Variants in SIGLEC6 observed in about 807,000 individuals in gnomAD.
The protein encoded by SIGLEC6 is sialic acid-binding Ig-like lectin 6.
A neutral mutation model predicts 41.4 loss-of-function variants in SIGLEC6; 31 were observed. The ratio of observed to expected loss-of-function variants is 0.75; its 90% CI spans 0.56 to 1.01. The LOEUF is 1.01. Among genes scored for constraint, SIGLEC6 ranks in the 50% least tolerant of loss-of-function variants. The pLI is 0.00. For missense variants in SIGLEC6, 555 were observed against 558.6 expected (o/e 0.99, Z 0.06); for synonymous variants, 217 against 231.0 (o/e 0.94, Z 0.55).
At position 51,530,717 on chromosome 19, in the gene SIGLEC6, C is replaced by T. The variant is rs1414109575; in HGVS notation, c.670G>A (p.Val224Met). 6.2e-7 allele frequency: 1 copy of T among 1,614,054 alleles called. No homozygotes were observed. The highest frequency in any genetic ancestry group is 2.2e-5 in the East Asian group (1 of 44,856). ...AGCTGGATGGTTCTCTCCATGGTCACACCGGCTCCAGGGAACGTCACCTGA... is the reference window on the plus strand; with the variant it reads ...AGCTGGATGGTTCTCTCCATGGTCATACCGGCTCCAGGGAACGTCACCTGA... ...TCQVTFPGAG[V>M]TMERTIQLNV... The change falls in exon 3 of 8, where the codon GTG (valine) becomes ATG (methionine). Residue 224 changes from valine (V) to methionine (M), a missense_variant. Coordinates refer to ENST00000425629, the MANE Select transcript of SIGLEC6 (RefSeq NM_001245.7).
rs1424784718 is a variant in SIGLEC6, at chr19:51,519,588, C to T, written c.*494G>A. 6 of 152,168 alleles carry T rather than the reference C, an allele frequency of 3.9e-5. No individual in the cohort carries two copies. The highest frequency in any genetic ancestry group is 4.8e-5 in the African/African-American group (2 of 41,502). The allele number at this position is 152,168 out of a possible 1,614,324, so 9.4% of individuals were successfully genotyped here. On this transcript the variant is annotated 3_prime_UTR_variant, in exon 8 of 8. Coordinates refer to ENST00000425629, the MANE Select transcript of SIGLEC6 (RefSeq NM_001245.7). ...GAAGTCCTGTGGTCTGCCATATATA[C>T]GAAGGTATTTATATAGTCCATTTAC... is the stretch of plus-strand genomic sequence containing the variant.
intron 7 of SIGLEC6, among the ~76,000 whole-genome samples, chr19:51,523,955 G>A (rs778601444): frequency 1.6e-4 from 25 of 152,238 alleles, no homozygotes; most frequent in African/African-American, 5.3e-4. Flanking sequence ...CCCAGGAAGC[G>A]GAGCTTGCCG....
In SIGLEC6 at chr19:51,519,078, G is replaced by A. The variant is rs773980340; in HGVS notation, c.*1004C>T. Among the ~76,000 whole-genome samples, 23 of 151,992 alleles carry A rather than the reference G, an allele frequency of 1.5e-4. No homozygotes were observed. Among genetic ancestry groups the A allele is most frequent in the African/African-American group, 2.7e-4 (11 of 41,364 alleles). On this transcript the variant is annotated 3_prime_UTR_variant, in exon 8 of 8. Coordinates refer to ENST00000425629, the MANE Select transcript of SIGLEC6 (RefSeq NM_001245.7). ...TGGGAGGCCGAGGAGGGCAGATCAC[G>A]AGGTCAGGAGATCAAGACCATCCTG... is the stretch of plus-strand genomic sequence containing the variant.
At chr19:51,530,118 C>A in intron 4 of SIGLEC6, 137 bp from the exon 5 acceptor site, 1 of 1,122,910 alleles carries the variant, frequency 8.9e-7, no homozygotes, top group Non-Finnish European at 1.3e-6. Flanking sequence ...CAGAAAAGCC[C>A]AGACCATTTC....
intron 7 of SIGLEC6, among the ~76,000 whole-genome samples, chr19:51,520,473 T>C (rs1990838450): frequency 6.6e-6 from 1 of 152,156 alleles, no homozygotes; most frequent in Non-Finnish European, 1.5e-5. Flanking sequence ...CAGGCAGCCT[T>C]GAACACCTGG....
chr19:51,530,374 C>A, intron 4 of SIGLEC6, 63 bp downstream of exon 4: 8 of 1,430,670 alleles, frequency 5.6e-6, no homozygotes, highest in Non-Finnish European at 7.8e-6. Flanking sequence ...TCATATTGAT[C>A]CCCGTTAGTC....
intron 5 of SIGLEC6, 115 bp from the exon 6 acceptor site, chr19:51,528,368 C>T: frequency 1.2e-6 from 1 of 829,608 alleles, no homozygotes; most frequent in South Asian, 1.5e-5. Context: ...CAGTCACTCA[C>T]CATTTCACTG....
intron 5 of SIGLEC6, chr19:51,528,487 A>C (rs1219021026): frequency 1.8e-6 from 1 of 564,250 alleles, no homozygotes; most frequent in Admixed American, 3.1e-5. Context: ...CCTTGGAAAC[A>C]TCTTCTCCAA....
At position 51,529,778 on chromosome 19, in the gene SIGLEC6, G is replaced by T; in HGVS notation, c.958C>A (p.Arg320Ser). ...AGGGAGCCCAGAGGATGCTGAGCAC[G>T]GCAGGTGAAATCTCCTTCTTCTGCA... ...GSAEEGDFTC[R>S]AQHPLGSLQI... The change falls in exon 5 of 8, where the codon CGT becomes AGT. Residue 320 changes from arginine (R) to serine (S), a missense_variant. By Grantham distance (110) the Arg-to-Ser change is moderately radical. Coordinates refer to ENST00000425629, the MANE Select transcript of SIGLEC6 (RefSeq NM_001245.7). The T allele has an allele frequency of 6.2e-7, 1 of 1,614,136 alleles. No homozygotes were observed.
Position 51,520,195 on chromosome 19 carries a change from T to C in SIGLEC6, c.1249A>G (p.Ile417Val), listed in dbSNP as rs746493664. 21 of 1,610,034 alleles carry C rather than the reference T, an allele frequency of 1.3e-5. No homozygotes were observed. In the South Asian group the frequency reaches 1.8e-4, roughly 14 times the overall value. The change falls in exon 8 of 8, where the codon ATC becomes GTC. Residue 417 changes from isoleucine (I) to valine (V), a missense_variant. Ile to Val is a conservative substitution (Grantham distance 29, BLOSUM62 3). Coordinates refer to ENST00000425629, the MANE Select transcript of SIGLEC6 (RefSeq NM_001245.7). ...VSDHPAEAGP[I>V]SEDEQELHYA... ...TGGAGCTCCTGCTCATCTTCTGAGA[T>C]GGGGCCAGCCTCAGCAGGGTGGTCT...
intron 7 of SIGLEC6, among the ~76,000 whole-genome samples, chr19:51,523,669 G>A (rs1417371699): frequency 2.0e-5 from 3 of 152,190 alleles, no homozygotes; most frequent in Non-Finnish European, 4.4e-5. Context: ...GTCTGATAAG[G>A]AGAGGCCCAG....
intron 5 of SIGLEC6, among the ~76,000 whole-genome samples, chr19:51,528,955 A>T (rs969540382): frequency 7.1e-6 from 1 of 141,594 alleles, no homozygotes; most frequent in Admixed American, 7.8e-5. Context: ...GTGAGCCAAG[A>T]TCGCACCATT....
intron 6 of SIGLEC6, 44 bp downstream of exon 6, chr19:51,528,116 T>C: frequency 6.5e-7 from 1 of 1,545,538 alleles, no homozygotes; most frequent in Non-Finnish European, 8.9e-7. Context: ...TGTGTGCCCT[T>C]CCCACATGAA....
chr19:51,527,352 C>G (rs1442934534), intron 7 of SIGLEC6, among the ~76,000 whole-genome samples: 1 of 152,146 alleles, frequency 6.6e-6, no homozygotes, highest in East Asian at 1.9e-4. Context: ...TTTGGGCTGT[C>G]TACTCTAGGG....
chr19:51,520,777 G>A (rs1990866401), intron 7 of SIGLEC6, among the ~76,000 whole-genome samples: 1 of 152,118 alleles, frequency 6.6e-6, no homozygotes, highest in African/African-American at 2.4e-5. Context: ...GCTTTGCAGT[G>A]GATTCCATGA....
chr19:51,529,740 C>G lies in SIGLEC6; in HGVS notation c.996G>C (p.Leu332=). The G allele has an allele frequency of 6.2e-7, 1 of 1,614,140 alleles. No homozygotes were observed. The highest frequency in any genetic ancestry group is 8.5e-7 in the Non-Finnish European group (1 of 1,180,010). Residue 332 remains leucine (L), a synonymous_variant, in exon 5 of 8, where the codon CTG becomes CTC. Coordinates refer to ENST00000425629, the MANE Select transcript of SIGLEC6 (RefSeq NM_001245.7). ...QHPLGSLQIS[L]SLFVHWKPEG... is the part of the protein sequence containing the mutation. Reference sequence around the variant, plus strand: ...CACACTCACAATGCACAAAGAGACTCAGAGAGATTTGCAGGGAGCCCAGAG... The same window carrying G: ...CACACTCACAATGCACAAAGAGACTGAGAGAGATTTGCAGGGAGCCCAGAG...
At chr19:51,530,561 T>G in intron 3 of SIGLEC6, 77 bp from the exon 4 acceptor site, 1 of 1,608,746 alleles carries the variant, frequency 6.2e-7, no homozygotes. Flanking sequence ...TCAGGAGCCA[T>G]GAAAACAGGG....
intron 7 of SIGLEC6, among the ~76,000 whole-genome samples, chr19:51,526,183 C>T (rs894755987): frequency 6.6e-6 from 1 of 152,226 alleles, no homozygotes; most frequent in African/African-American, 2.4e-5. Context: ...GCCCCTGCTG[C>T]TCCAAGCTGG....
At chr19:51,522,878 G>A (rs1978518993) in intron 7 of SIGLEC6, among the ~76,000 whole-genome samples, 1 of 151,792 alleles carries the variant, frequency 6.6e-6, no homozygotes, top group Non-Finnish European at 1.5e-5. Flanking sequence ...GCTCACACCT[G>A]TAAGTCCAGC....
Sources: gnomAD v4.1 joint callset for allele counts (sites outside exome capture counted in the v4.1 genomes callset) on GRCh38, gnomAD v4.1.1 for gene constraint, MANE v1.5 for transcripts, NCBI Gene and HGNC (gene_info 2026-07-23, HGNC 2026-07-21) for gene names.